The following NTRK3 variants were observed in gnomAD, a reference collection of about 807,000 sequenced individuals.
NTRK3 encodes the protein neurotrophic receptor tyrosine kinase 3, also known as NT-3 growth factor receptor.
A neutral mutation model predicts 91.7 loss-of-function variants in NTRK3; 24 were observed. That is an observed-to-expected ratio of 0.26 (90% CI 0.19 to 0.37). NTRK3 has a LOEUF of 0.37. Ranked by LOEUF, NTRK3 falls within the 10% of genes least tolerant of loss-of-function variation. The pLI is 1.00. For missense variants in NTRK3, 880 were observed against 1,068.9 expected, an observed-to-expected ratio of 0.82 and a Z score of 2.46; for synonymous variants, 483 against 404.0, an observed-to-expected ratio of 1.20 and a Z score of -2.34.
At chr15:87,908,226 C>A (rs548879633) in intron 17 of NTRK3, among the ~76,000 whole-genome samples, 1 of 152,284 alleles carries the variant, frequency 6.6e-6, no homozygotes, top group African/African-American at 2.4e-5. Context: ...GCGGCTCTCC[C>A]GGCTGTGCAC....
chr15:87,890,433 A>G (rs890482412), intron 17 of NTRK3, among the ~76,000 whole-genome samples: 1 of 152,212 alleles, frequency 6.6e-6, no homozygotes, highest in African/African-American at 2.4e-5. Flanking sequence ...GAAACTGTTT[A>G]TACAGGACCG....
At chr15:88,027,433 A>T (rs2078130919) in intron 14 of NTRK3, among the ~76,000 whole-genome samples, 1 of 152,054 alleles carries the variant, frequency 6.6e-6, no homozygotes, top group Non-Finnish European at 1.5e-5. Flanking sequence ...CCCAGGCTGC[A>T]GTGCAGTGGC....
chr15:87,883,470 T>C (rs923891614), intron 17 of NTRK3, among the ~76,000 whole-genome samples: 2 of 150,520 alleles, frequency 1.3e-5, no homozygotes, highest in African/African-American at 4.8e-5. Flanking sequence ...GCTATCATTA[T>C]AATGGAAAAC....
At chr15:87,920,409 C>A (rs962310377) in intron 17 of NTRK3, among the ~76,000 whole-genome samples, 2 of 152,148 alleles carry the variant, frequency 1.3e-5, no homozygotes, top group African/African-American at 4.8e-5. Context: ...AGCTCTGAGC[C>A]CCACTTGGAA....
chr15:87,902,763 T>TCTATTTC (rs2066528890), intron 17 of NTRK3, among the ~76,000 whole-genome samples: 1 of 152,158 alleles, frequency 6.6e-6, no homozygotes, highest in East Asian at 1.9e-4. Flanking sequence ...GACTCTCAAG[T>TCTATTTC]TAGTTTCTAT....
chr15:88,162,447 A>G (rs1001337823), intron 5 of NTRK3, among the ~76,000 whole-genome samples: 2 of 152,188 alleles, frequency 1.3e-5, no homozygotes, highest in African/African-American at 4.8e-5. Flanking sequence ...CTGTGAATGA[A>G]CGGGGGATCA....
chr15:88,146,603 G>A (rs781625825), intron 6 of NTRK3, among the ~76,000 whole-genome samples: 7 of 152,188 alleles, frequency 4.6e-5, no homozygotes, highest in East Asian at 1.9e-4. Context: ...CAGTGGTCAC[G>A]AATGTTCACT....
chr15:88,181,667 C>A (rs1034944988), intron 5 of NTRK3, among the ~76,000 whole-genome samples: 5 of 152,212 alleles, frequency 3.3e-5, no homozygotes, highest in African/African-American at 1.2e-4. Flanking sequence ...GAAGTAGTTT[C>A]ATTTGGCCCA....
At chr15:88,018,249 A>G (rs2077373078) in intron 14 of NTRK3, among the ~76,000 whole-genome samples, 1 of 152,220 alleles carries the variant, frequency 6.6e-6, no homozygotes, top group African/African-American at 2.4e-5. Flanking sequence ...GAGGGGGATG[A>G]CTACATAGGA....
intron 5 of NTRK3, among the ~76,000 whole-genome samples, chr15:88,174,716 A>G (rs1436609947): frequency 6.6e-6 from 1 of 152,108 alleles, no homozygotes. Context: ...CTGTCTGCCA[A>G]CCCAAGCCCA....
intron 14 of NTRK3, among the ~76,000 whole-genome samples, chr15:87,975,304 C>T (rs929418770): frequency 6.6e-6 from 1 of 152,124 alleles, no homozygotes; most frequent in Admixed American, 6.5e-5. Context: ...AGTTGAGTTT[C>T]TCATTCTCTG....
intron 3 of NTRK3, among the ~76,000 whole-genome samples, chr15:88,247,922 A>G (rs2141976661): frequency 6.6e-6 from 1 of 152,258 alleles, no homozygotes; most frequent in East Asian, 1.9e-4. Context: ...AAGAAGCTCT[A>G]AACATCAGCT....
intron 3 of NTRK3, among the ~76,000 whole-genome samples, chr15:88,187,254 C>G (rs1227529636): frequency 6.6e-6 from 1 of 152,176 alleles, no homozygotes; most frequent in African/African-American, 2.4e-5. Context: ...TCCAGGAAAA[C>G]TGTTCCAGCA....
At chr15:87,885,510 A>C (rs1208149144) in intron 17 of NTRK3, among the ~76,000 whole-genome samples, 184 bp downstream of exon 18, 3 of 151,974 alleles carry the variant, frequency 2.0e-5, no homozygotes, top group African/African-American at 7.2e-5. Context: ...CATTTTATCA[A>C]ACTATGTAAT....
intron 17 of NTRK3, among the ~76,000 whole-genome samples, chr15:87,922,453 G>A (rs892930567): frequency 3.3e-5 from 5 of 152,104 alleles, no homozygotes; most frequent in African/African-American, 1.2e-4. Context: ...TACAGTCCCT[G>A]GATCTCTGTC....
chr15:88,187,224 G>A (rs2151641423), intron 3 of NTRK3, among the ~76,000 whole-genome samples: 1 of 152,292 alleles, frequency 6.6e-6, no homozygotes, highest in African/African-American at 2.4e-5. Context: ...GGAGGGGAAG[G>A]AAACCTGTCA....
At chr15:88,211,774 A>C (rs2049267258) in intron 3 of NTRK3, among the ~76,000 whole-genome samples, 1 of 152,218 alleles carries the variant, frequency 6.6e-6, no homozygotes, top group Admixed American at 6.5e-5. Context: ...TTTCCCTGAC[A>C]CTAGATCCAG....
At chr15:88,215,122 C>T (rs939951475) in intron 3 of NTRK3, among the ~76,000 whole-genome samples, 1 of 152,236 alleles carries the variant, frequency 6.6e-6, no homozygotes, top group Non-Finnish European at 1.5e-5. Context: ...ATGTGTCTGG[C>T]ACACCATAAG....
At chr15:87,875,208 C>T (rs974744270) in exon 19 of NTRK3, 1 of 231,014 alleles carries the variant, frequency 4.3e-6, no homozygotes. Flanking sequence ...GGGAGGTGAG[C>T]TCCAGTGTGG....
Sources: gnomAD v4.1 joint callset for allele counts (sites outside exome capture counted in the v4.1 genomes callset) on GRCh38, gnomAD v4.1.1 for gene constraint, MANE v1.5 for transcripts, NCBI Gene and HGNC (gene_info 2026-07-23, HGNC 2026-07-21) for gene names.